The following PTDSS1 variants were observed in gnomAD, a reference collection of about 807,000 sequenced individuals.
PTDSS1 encodes phosphatidylserine synthase 1.
Under a neutral mutation model 70.5 loss-of-function variants are expected in PTDSS1, and 45 were observed. The ratio of observed to expected loss-of-function variants is 0.64; its 90% CI spans 0.50 to 0.82. The LOEUF is 0.82. Among genes scored for constraint, PTDSS1 ranks in the 40% least tolerant of loss-of-function variants. The pLI is 0.00. For synonymous variants in PTDSS1, 188 were observed against 203.8 expected (o/e 0.92, Z 0.66); for missense variants, 417 against 586.1 (o/e 0.71, Z 2.98).
chr8:96,284,554 T>G (rs1810794281), intron 3 of PTDSS1, among the ~76,000 whole-genome samples: 1 of 152,232 alleles, frequency 6.6e-6, no homozygotes, highest in Admixed American at 6.5e-5. Context: ...TTCAATTTCT[T>G]CAGTTTTATG....
chr8:96,303,925 T>A (rs1811084874), intron 6 of PTDSS1, 115 bp from the exon 7 acceptor site: 3 of 1,178,644 alleles, frequency 2.5e-6, no homozygotes, highest in Non-Finnish European at 3.6e-6. Flanking sequence ...AAAAGCAGTC[T>A]CTTTGTCCTG....
At chr8:96,309,704 G>A in intron 9 of PTDSS1, 82 bp downstream of exon 9, 1 of 1,352,852 alleles carries the variant, frequency 7.4e-7, no homozygotes, top group Non-Finnish European at 1.0e-6. Context: ...TGTGTTAAGA[G>A]CCTTTCAGTA....
chr8:96,329,673 A>G (rs955916902), intron 10 of PTDSS1, among the ~76,000 whole-genome samples: 3 of 152,264 alleles, frequency 2.0e-5, no homozygotes, highest in African/African-American at 7.2e-5. Flanking sequence ...AAACAAAGCA[A>G]TAAAAACTGG....
At chr8:96,333,367 G>T in intron 12 of PTDSS1, 90 bp from the exon 13 acceptor site, 1 of 1,163,350 alleles carries the variant, frequency 8.6e-7, no homozygotes, top group South Asian at 1.2e-5. Context: ...GGAAGAACCT[G>T]TTCCCCGGCA....
At chr8:96,332,536 G>A (rs1811531551) in intron 12 of PTDSS1, among the ~76,000 whole-genome samples, 1 of 152,216 alleles carries the variant, frequency 6.6e-6, no homozygotes, top group Admixed American at 6.5e-5. Context: ...TCAGTGAGCG[G>A]CCCGTTGTGA....
chr8:96,271,886 C>T (rs1356945148), intron 1 of PTDSS1, among the ~76,000 whole-genome samples: 8 of 151,514 alleles, frequency 5.3e-5, no homozygotes, highest in South Asian at 4.2e-4. Flanking sequence ...ACTTTTAAAA[C>T]GGTCACTATT....
rs564223313 is a variant in PTDSS1 at position 96,330,248 on chromosome 8, T to G, written c.1209T>G (p.Ile403Met). 20 of 1,612,866 alleles carry G rather than the reference T, an allele frequency of 1.2e-5. No homozygotes were observed. The South Asian group carries it at 1.9e-4, about 15-fold the overall frequency. The stretch of plus-strand genomic sequence containing the variant: ...CTTTCCTCTGTCTGTACGGCATGAT[T>G]TGGTATGCAGAACACTATGGTCACC... Reference protein sequence around the residue: ...FTTFLCLYGMIWYAEHYGHRE... With the variant: ...FTTFLCLYGMMWYAEHYGHRE... Residue 403 changes from isoleucine to methionine, a missense_variant, in exon 11 of 13, where the codon ATT (isoleucine) becomes ATG (methionine). Ile to Met is a conservative substitution (Grantham distance 10, BLOSUM62 1). Transcript: ENST00000517309.
chr8:96,320,409 G>T, intron 10 of PTDSS1, 64 bp downstream of exon 10: 4 of 1,375,892 alleles, frequency 2.9e-6, no homozygotes, highest in African/African-American at 2.9e-5. Flanking sequence ...TTAAACGGAG[G>T]GGGGCAAAGA....
chr8:96,292,125 C>T (rs565405753), intron 4 of PTDSS1, among the ~76,000 whole-genome samples: 1 of 151,582 alleles, frequency 6.6e-6, no homozygotes, highest in African/African-American at 2.4e-5. Context: ...CATGGTGAAA[C>T]CCTGTCTCTA....
chr8:96,288,209 G>A (rs553889633), intron 4 of PTDSS1, among the ~76,000 whole-genome samples: 1 of 152,190 alleles, frequency 6.6e-6, no homozygotes, highest in Non-Finnish European at 1.5e-5. Context: ...CCTCAGGGCA[G>A]AAGCTTCTGT....
chr8:96,301,126 CT>C (rs905892958), intron 6 of PTDSS1, among the ~76,000 whole-genome samples: 3 of 151,366 alleles, frequency 2.0e-5, no homozygotes, highest in Non-Finnish European at 3.0e-5. Flanking sequence ...TTGTCACCCC[CT>C]TTTTTTTTGT....
intron 12 of PTDSS1, among the ~76,000 whole-genome samples, 164 bp from the exon 13 acceptor site, chr8:96,333,293 T>A (rs1025417454): frequency 6.6e-6 from 1 of 152,084 alleles, no homozygotes; most frequent in Non-Finnish European, 1.5e-5. Flanking sequence ...TCAGTACTAG[T>A]TCTGTGTTTG....
At chr8:96,315,053 T>C (rs993041138) in intron 9 of PTDSS1, among the ~76,000 whole-genome samples, 3 of 152,160 alleles carry the variant, frequency 2.0e-5, no homozygotes, top group Non-Finnish European at 1.5e-5. Context: ...CTTTGGAAGT[T>C]AGAAAGTTGA....
In PTDSS1 at chr8:96,295,126, C is replaced by A; in HGVS notation, c.470C>A (p.Thr157Asn). 6.2e-7 allele frequency: 1 copy of A among 1,613,966 alleles called. No homozygotes were observed. Among genetic ancestry groups the A allele is most frequent in the Non-Finnish European group, 8.5e-7 (1 of 1,179,914 alleles). ...TATGCTGTGAACTGCCATGTGATCA[C>A]CTGGGAGAGGATTATCAGCCACTTT... ...MEYAVNCHVITWERIISHFDI... is the reference protein window; with the variant it reads ...MEYAVNCHVINWERIISHFDI... The change falls in exon 5 of 13, where the codon ACC becomes AAC. Residue 157 changes from threonine to asparagine, a missense_variant. Thr to Asn is a moderately conservative substitution (Grantham distance 65). Transcript: ENST00000517309.
intron 4 of PTDSS1, among the ~76,000 whole-genome samples, chr8:96,287,781 G>A (rs943885081): frequency 2.0e-5 from 3 of 152,002 alleles, no homozygotes; most frequent in African/African-American, 4.8e-5. Context: ...TGGCTAAAAC[G>A]ACTCTATTTT....
rs370004918 is a variant in PTDSS1 at position 96,287,090 on chromosome 8, C to G, written c.385C>G (p.Leu129Val). ...LFLNFEQVKS[L>V]MYWLDPNLRY... ...CCTGAATTTCGAGCAGGTTAAATCTCTAATGTATTGGCTAGATCCAAATCT... is the reference window on the plus strand; with the variant it reads ...CCTGAATTTCGAGCAGGTTAAATCTGTAATGTATTGGCTAGATCCAAATCT... Residue 129 changes from leucine (L) to valine (V), a missense_variant, in exon 4 of 13, where the codon CTA (leucine) becomes GTA (valine). Leu to Val is a conservative substitution (Grantham distance 32). Transcript: ENST00000517309. The G allele has an allele frequency of 1.1e-5, 18 of 1,614,022 alleles. No individual in the cohort carries two copies. In the East Asian group the frequency reaches 3.3e-4, roughly 30 times the overall value.
chr8:96,267,397 T>A (rs1810502873), intron 1 of PTDSS1, among the ~76,000 whole-genome samples: 1 of 152,164 alleles, frequency 6.6e-6, no homozygotes, highest in African/African-American at 2.4e-5. Context: ...CTCTTTCCGT[T>A]CCCAAGCCTT....
rs960528979 is a variant in PTDSS1, at chr8:96,333,825, C to A, written c.*259C>A. On this transcript the variant is annotated 3_prime_UTR_variant, in exon 13 of 13. Transcript: ENST00000517309. ...CTTGACATGCGGTCACCGGTGGCAG[C>A]GCGGTGTGTTGAAGGGAAACGGTAG... 1.2e-5 allele frequency: 8 copies of A among 682,260 alleles called. No homozygotes were observed. Among genetic ancestry groups the A allele is most frequent in the Non-Finnish European group, 1.9e-5 (7 of 376,564 alleles). The allele number at this position is 682,260 out of a possible 1,614,324, so 42.3% of individuals were successfully genotyped here. A position where few individuals can be genotyped will look rare whatever the true frequency, so the allele number is the denominator to read the frequency against.
At chr8:96,296,324 G>A (rs13259009) in intron 5 of PTDSS1, among the ~76,000 whole-genome samples, 1 of 151,902 alleles carries the variant, frequency 6.6e-6, no homozygotes, top group African/African-American at 2.4e-5. Context: ...ATTTTTAGTA[G>A]AGACGGGGTC....
Sources: allele counts gnomAD v4.1 joint callset (sites outside exome capture counted in the v4.1 genomes callset), GRCh38; gene constraint gnomAD v4.1.1; transcripts MANE v1.5; gene names NCBI Gene and HGNC (gene_info 2026-07-23, HGNC 2026-07-21).